The following MMRN2 variants were observed in gnomAD, a reference collection of about 807,000 sequenced individuals.
MMRN2 encodes multimerin-2.
MMRN2 carries 53 observed loss-of-function variants against 68.8 expected under a neutral mutation model. The observed-to-expected ratio is 0.77, with a 90% CI of 0.62 to 0.97. MMRN2 has a LOEUF of 0.97. MMRN2 is among the 50% of genes least tolerant of loss of function. The pLI, the probability that MMRN2 is intolerant of heterozygous loss-of-function variation, is 0.00. For synonymous variants in MMRN2, 564 were observed against 551.6 expected (o/e 1.02, Z -0.32); for missense variants, 1,266 against 1,259.5 (o/e 1.01, Z -0.08).
rs766994960 is a variant in MMRN2, at chr10:86,943,836, G to C, written c.948C>G (p.His316Gln). ...QLRQDVEDRL[H>Q]AQHFTLHRSI... is the part of the protein sequence containing the mutation. ...AGCGGTGCAGGGTAAAGTGCTGGGC[G>C]TGCAGGCGGTCCTCCACGTCCTGTC... The change falls in exon 6 of 7, where the codon CAC becomes CAG. Residue 316 changes from histidine (H) to glutamine (Q), a missense_variant. Coordinates refer to ENST00000372027, the MANE Select transcript of MMRN2 (RefSeq NM_024756.3). This position sits in a 1 kb window ranked among gnomAD's most constrained non-coding sequence, Gnocchi z 4.2. 2.5e-6 allele frequency: 4 copies of C among 1,612,846 alleles called. No individual in the cohort carries two copies. The Admixed American group carries it at 6.7e-5, about 27-fold the overall frequency.
chr10:86,944,529 G>C, intron 4 of MMRN2, 94 bp from the exon 5 acceptor site: 2 of 1,415,582 alleles, frequency 1.4e-6, no homozygotes, highest in South Asian at 1.2e-5. Context: ...GCTGAGAGCA[G>C]GGAAGTTAGC....
chr10:86,936,359 G>T lies in MMRN2; in HGVS notation c.*384C>A, dbSNP rs1401744527. ...TTCTATCATACGATAAGGGAGAAGA[G>T]AAGAGGAAGCAAGAGAAAAGTTTAA... is the stretch of plus-strand genomic sequence containing the variant. On this transcript the variant is annotated 3_prime_UTR_variant, in exon 7 of 7. Coordinates refer to ENST00000372027, the MANE Select transcript of MMRN2 (RefSeq NM_024756.3). 10 of 441,786 alleles carry T rather than the reference G, an allele frequency of 2.3e-5. 1 individual carries two copies. 27.4% of individuals were successfully genotyped at this position (441,786 alleles called of 1,614,324 possible).
At position 86,936,687 on chromosome 10, in the gene MMRN2, C is replaced by A; in HGVS notation, c.*56G>T. 1 of 1,583,678 alleles carries A rather than the reference C, an allele frequency of 6.3e-7. No homozygotes were observed. The highest frequency in any genetic ancestry group is 1.2e-5 in the South Asian group (1 of 86,542). ...CTCCAGCCCATCCTTGGCCAGAGCC[C>A]CAGGCCGAGGAGAGCTGGGCGAGTC... is the stretch of plus-strand genomic sequence containing the variant. On this transcript the variant is annotated 3_prime_UTR_variant, in exon 7 of 7. Transcript: ENST00000372027.
chr10:86,956,749 C>A (rs1165784964), intron 1 of MMRN2, among the ~76,000 whole-genome samples: 1 of 152,200 alleles, frequency 6.6e-6, no homozygotes, highest in Non-Finnish European at 1.5e-5. Flanking sequence ...GCTGCTCTGA[C>A]TGAGGGGCAG....
In MMRN2 at chr10:86,942,850, G is replaced by T; in HGVS notation, c.1934C>A (p.Ala645Asp). ...EQIRVALQDA[A>D]SGLQEQALGW... ...GAGCGCCTGCTCCTGCAGCCCGCTA[G>T]CGGCGTCCTGCAGGGCCACGCGGAT... Residue 645 changes from alanine (A) to aspartate (D), a missense_variant, in exon 6 of 7, where the codon GCT becomes GAT. By Grantham distance (126) the Ala-to-Asp change is moderately radical. Coordinates refer to ENST00000372027, the MANE Select transcript of MMRN2 (RefSeq NM_024756.3). 1 of 1,389,304 alleles carries T rather than the reference G, an allele frequency of 7.2e-7. No homozygotes were observed. Among genetic ancestry groups the T allele is most frequent in the Non-Finnish European group, 9.3e-7 (1 of 1,072,908 alleles). 86.1% of individuals were successfully genotyped at this position (1,389,304 alleles called of 1,614,324 possible). A position where few individuals can be genotyped will look rare whatever the true frequency, so the allele number is the denominator to read the frequency against.
intron 1 of MMRN2, among the ~76,000 whole-genome samples, chr10:86,950,468 G>A (rs879351942): frequency 6.6e-6 from 1 of 152,266 alleles, no homozygotes; most frequent in African/African-American, 2.4e-5. Flanking sequence ...GCAGAACCGT[G>A]GTGTCACAGG....
chr10:86,943,075 G>A lies in MMRN2; in HGVS notation c.1709C>T (p.Ala570Val), dbSNP rs1334582465. 7.0e-7 allele frequency: 1 copy of A among 1,436,178 alleles called. No individual in the cohort carries two copies. Among genetic ancestry groups the A allele is most frequent in the Non-Finnish European group, 9.1e-7 (1 of 1,104,178 alleles). 89.0% of individuals were successfully genotyped at this position (1,436,178 alleles called of 1,614,324 possible). Reference sequence around the variant, plus strand: ...CAGCGCGCCCACCTCGTCATCCAGCGCCTGCACTTGGCTCCGGAGCCGCGA... The same window carrying A: ...CAGCGCGCCCACCTCGTCATCCAGCACCTGCACTTGGCTCCGGAGCCGCGA... The part of the protein sequence containing the change: ...ATSRLRSQVQ[A>V]LDDEVGALKA... Residue 570 changes from alanine (A) to valine (V), a missense_variant, in exon 6 of 7, where the codon GCG becomes GTG. By Grantham distance (64) the Ala-to-Val change is moderately conservative (BLOSUM62 0). Coordinates refer to ENST00000372027, the MANE Select transcript of MMRN2 (RefSeq NM_024756.3). This position sits in a 1 kb window ranked among gnomAD's most constrained non-coding sequence, Gnocchi z 4.2.
At position 86,942,941 on chromosome 10, in the gene MMRN2, C is replaced by T. The variant is rs565814756; in HGVS notation, c.1843G>A (p.Gly615Arg). ...GACATCTCCTCCAGCACCTCCTCCC[C>T]GAAGAGCGCGGCCAGCACCGCCTCG... ...RHEAVLAALF[G>R]EEVLEEMSEQ... Residue 615 changes from glycine (G) to arginine (R), a missense_variant, in exon 6 of 7, where the codon GGG becomes AGG. Physicochemically the swap from Gly to Arg is moderately radical, Grantham distance 125. Transcript: ENST00000372027. 5 of 1,500,662 alleles carry T rather than the reference C, an allele frequency of 3.3e-6. No individual in the cohort carries two copies. The highest frequency in any genetic ancestry group is 4.4e-6 in the Non-Finnish European group (5 of 1,126,346). The allele number at this position is 1,500,662 out of a possible 1,614,324, so 93.0% of individuals were successfully genotyped here.
intron 1 of MMRN2, 94 bp downstream of exon 1, chr10:86,957,284 T>C: frequency 1.5e-6 from 2 of 1,326,290 alleles, no homozygotes; most frequent in East Asian, 2.3e-5. Context: ...ATTTCACAGA[T>C]GGGACCCCAG....
chr10:86,936,745 A>C lies in MMRN2; in HGVS notation c.2848T>G (p.Ter950GlyextTer6), dbSNP rs1284679791. 6.2e-7 allele frequency: 1 copy of C among 1,613,812 alleles called. No individual in the cohort carries two copies. Among genetic ancestry groups the C allele is most frequent in the Admixed American group, 1.7e-5 (1 of 60,022 alleles). Residue 950 changes from the stop codon to glycine (G), a stop_lost, in exon 7 of 7, where the codon TGA becomes GGA. Coordinates refer to ENST00000372027, the MANE Select transcript of MMRN2 (RefSeq NM_024756.3). ...TCTGATCAGATTGGGGCTGGGGTTCAGGTCTTAAACATCAGGAAGCCCCCA... is the reference window on the plus strand; with the variant it reads ...TCTGATCAGATTGGGGCTGGGGTTCCGGTCTTAAACATCAGGAAGCCCCCA... ...AFGGFLMFKT[*>G]
rs376575577 is a variant in MMRN2 at position 86,943,814 on chromosome 10, G to C, written c.970C>G (p.Arg324Gly). The C allele has an allele frequency of 1.1e-5, 18 of 1,611,068 alleles. No homozygotes were observed. Among genetic ancestry groups the C allele is most frequent in the Non-Finnish European group, 1.4e-5 (17 of 1,179,982 alleles). Residue 324 changes from arginine (R) to glycine (G), a missense_variant, in exon 6 of 7, where the codon CGC becomes GGC. Physicochemically the swap from Arg to Gly is moderately radical, Grantham distance 125 (BLOSUM62 -2). Coordinates refer to ENST00000372027, the MANE Select transcript of MMRN2 (RefSeq NM_024756.3). This position sits in a 1 kb window ranked among gnomAD's most constrained non-coding sequence, Gnocchi z 4.2. ...TCGGCTTGGAGCTCTGAGATCGAGC[G>C]GTGCAGGGTAAAGTGCTGGGCGTGC... ...RLHAQHFTLH[R>G]SISELQADVD...
intron 6 of MMRN2, among the ~76,000 whole-genome samples, chr10:86,940,288 G>T (rs1843949552): frequency 6.6e-6 from 1 of 152,198 alleles, no homozygotes; most frequent in Admixed American, 6.5e-5. Context: ...GGGATTATAG[G>T]CATGAGCCAC....
Position 86,943,614 on chromosome 10 carries a change from C to T in MMRN2, c.1170G>A (p.Arg390=), listed in dbSNP as rs267602603. The stretch of plus-strand genomic sequence containing the variant: ...CCAGGGTGTACTGCAACTCCTCCTC[C>T]CTGCGGGCCGTGGTCATGTGCAGCT... ...LSELHMTTAR[R]EEELQYTLED... is the part of the protein sequence containing the mutation. The change falls in exon 6 of 7, where the codon AGG becomes AGA. Residue 390 remains arginine (R), a synonymous_variant. Transcript: ENST00000372027. This position sits in a 1 kb window ranked among gnomAD's most constrained non-coding sequence, Gnocchi z 4.2. 3 of 1,613,828 alleles carry T rather than the reference C, an allele frequency of 1.9e-6. No homozygotes were observed. The highest frequency in any genetic ancestry group is 2.7e-5 in the African/African-American group (2 of 74,954).
chr10:86,940,746 C>A (rs1466941074), intron 6 of MMRN2, among the ~76,000 whole-genome samples: 2 of 152,208 alleles, frequency 1.3e-5, no homozygotes, highest in African/African-American at 4.8e-5. Context: ...GGACTTGCCA[C>A]ACGCCAGGCT....
chr10:86,954,812 G>T (rs916519792), intron 1 of MMRN2, among the ~76,000 whole-genome samples: 1 of 144,616 alleles, frequency 6.9e-6, no homozygotes, highest in Non-Finnish European at 1.5e-5. Context: ...CATACCAAGG[G>T]CTCTGTGCCC....
intron 1 of MMRN2, among the ~76,000 whole-genome samples, chr10:86,951,045 G>A (rs995320921): frequency 1.3e-5 from 2 of 151,794 alleles, no homozygotes; most frequent in South Asian, 2.1e-4. Context: ...CCAAGATCAC[G>A]CCATTGCACT....
rs755397034 is a variant in MMRN2, at chr10:86,943,319, C to T, written c.1465G>A (p.Val489Met). The change falls in exon 6 of 7, where the codon GTG (valine) becomes ATG (methionine). Residue 489 changes from valine to methionine, a missense_variant. By Grantham distance (21) the Val-to-Met change is conservative (BLOSUM62 1). Transcript: ENST00000372027. This position sits in a 1 kb window ranked among gnomAD's most constrained non-coding sequence, Gnocchi z 4.2. ...QGGHADLIKY[V>M]KDCNCQKLYL... is the part of the protein sequence containing the mutation. ...AGCTTCTGGCAATTGCAGTCCTTCA[C>T]GTACTTGATGAGGTCGGCATGGCCA... 5.0e-6 allele frequency: 8 copies of T among 1,613,880 alleles called. No individual in the cohort carries two copies. The highest frequency in any genetic ancestry group is 5.9e-6 in the Non-Finnish European group (7 of 1,180,000).
At chr10:86,954,683 G>A (rs549641073) in intron 1 of MMRN2, among the ~76,000 whole-genome samples, 50 of 152,330 alleles carry the variant, frequency 3.3e-4, no homozygotes, top group African/African-American at 1.1e-3. Flanking sequence ...TTTTGTCCTT[G>A]AGTCAGAAAA....
intron 6 of MMRN2, among the ~76,000 whole-genome samples, chr10:86,938,260 A>G (rs2133673703): frequency 6.6e-6 from 1 of 152,294 alleles, no homozygotes; most frequent in Admixed American, 6.5e-5. Flanking sequence ...ATATGGGTAA[A>G]TTGAGGCCCA....
Sources: allele counts gnomAD v4.1 joint callset (sites outside exome capture counted in the v4.1 genomes callset), GRCh38; gene constraint gnomAD v4.1.1; non-coding constraint Gnocchi (gnomAD v3.1); transcripts MANE v1.5; gene names NCBI Gene and HGNC (gene_info 2026-07-23, HGNC 2026-07-21).